The following SLC66A2 variants were observed in gnomAD, a reference collection of about 807,000 sequenced individuals.
The protein encoded by SLC66A2 is solute carrier family 66 member 2.
A neutral mutation model predicts 25.5 loss-of-function variants in SLC66A2; 23 were observed. That is an observed-to-expected ratio of 0.90 (90% CI 0.65 to 1.28). The LOEUF (loss-of-function observed/expected upper bound fraction) is 1.28, where lower values mean the gene tolerates loss of function less well. Ranked by LOEUF, SLC66A2 falls within the 50% of genes most tolerant of loss-of-function variation. SLC66A2 has a pLI of 0.00. For missense variants in SLC66A2, 396 were observed against 373.1 expected, an observed-to-expected ratio of 1.06 and a Z score of -0.51; for synonymous variants, 193 against 166.5, an observed-to-expected ratio of 1.16 and a Z score of -1.23.
In SLC66A2 at chr18:79,902,590, A is replaced by G. The variant is rs949200780; in HGVS notation, c.*1386T>C. ...AAGCATCTCACAGGCCAAAGAGCTAAGCAGGACCCTCACTCAGACATTCAA... is the reference window on the plus strand; with the variant it reads ...AAGCATCTCACAGGCCAAAGAGCTAGGCAGGACCCTCACTCAGACATTCAA... On this transcript the variant is annotated 3_prime_UTR_variant, in exon 6 of 6. Transcript: ENST00000397778. 1 of 152,408 alleles carries G rather than the reference A, an allele frequency of 6.6e-6. No homozygotes were observed. Among genetic ancestry groups the G allele is most frequent in the African/African-American group, 2.4e-5 (1 of 41,480 alleles). 9.4% of individuals were successfully genotyped at this position (152,408 alleles called of 1,614,324 possible).
At chr18:79,936,501 A>G (rs141921907) in intron 3 of SLC66A2, among the ~76,000 whole-genome samples, 2 of 152,288 alleles carry the variant, frequency 1.3e-5, no homozygotes, top group South Asian at 2.1e-4. Flanking sequence ...CAGCACCCCA[A>G]AAAGAAACCC....
chr18:79,912,791 C>T (rs79810315), intron 5 of SLC66A2, among the ~76,000 whole-genome samples: 18,056 of 152,150 alleles, frequency 0.12, 1,744 homozygotes, highest in South Asian at 0.33. Context: ...AGAGCCTCCG[C>T]TGAACCCTCC....
At chr18:79,906,479 T>C (rs1331182716) in intron 5 of SLC66A2, among the ~76,000 whole-genome samples, 5 of 152,258 alleles carry the variant, frequency 3.3e-5, no homozygotes, top group African/African-American at 4.8e-5. Flanking sequence ...ATATCCTCTT[T>C]AACAGATTGT....
chr18:79,922,822 T>C (rs1331178111), intron 4 of SLC66A2, among the ~76,000 whole-genome samples: 11 of 65,430 alleles, frequency 1.7e-4, no homozygotes, highest in African/African-American at 6.7e-4. Context: ...GGGGTGAGGA[T>C]AGAGGGATTG....
At chr18:79,933,202 G>A (rs1203705335) in intron 4 of SLC66A2, among the ~76,000 whole-genome samples, 2 of 152,098 alleles carry the variant, frequency 1.3e-5, no homozygotes, top group Non-Finnish European at 2.9e-5. Context: ...AAACCCACAT[G>A]ATCATCTCAA....
At chr18:79,938,813 A>G (rs1257030418) in intron 3 of SLC66A2, among the ~76,000 whole-genome samples, 3 of 152,152 alleles carry the variant, frequency 2.0e-5, no homozygotes, top group Non-Finnish European at 4.4e-5. Flanking sequence ...AGTAGCTGGG[A>G]TTACAGGCAT....
chr18:79,909,254 CAG>C (rs1982574020), intron 5 of SLC66A2, among the ~76,000 whole-genome samples: 1 of 152,220 alleles, frequency 6.6e-6, no homozygotes, highest in Non-Finnish European at 1.5e-5. Flanking sequence ...GTGCAACACT[CAG>C]AGACAAGACT....
intron 2 of SLC66A2, among the ~76,000 whole-genome samples, chr18:79,949,070 T>C (rs1307429150): frequency 6.6e-6 from 1 of 152,112 alleles, no homozygotes; most frequent in African/African-American, 2.4e-5. Flanking sequence ...GAGACGGGAC[T>C]CGGACCCAAA....
intron 2 of SLC66A2, 81 bp from the exon 3 acceptor site, chr18:79,943,543 G>A (rs538673124): frequency 1.1e-4 from 164 of 1,525,060 alleles, no homozygotes; most frequent in South Asian, 2.6e-4. Flanking sequence ...GGAGAGACCC[G>A]GGTCAGGAGG....
rs1984324205 is a variant in SLC66A2, at chr18:79,917,349, T to C, written c.608+1835A>G. Among the ~76,000 whole-genome samples, 1 of 152,180 alleles carries C rather than the reference T, an allele frequency of 6.6e-6. No individual in the cohort carries two copies. Among genetic ancestry groups the C allele is most frequent in the South Asian group, 2.1e-4 (1 of 4,836 alleles). ...CAGCTCCTGCCAAGCCTGGGGCCCC[T>C]GTGAGGTCACACACGGCCAGCTCCT... is the stretch of plus-strand genomic sequence containing the variant. On this transcript the variant is annotated intron_variant, in intron 5 of 5. Coordinates refer to ENST00000397778, the MANE Select transcript of SLC66A2 (RefSeq NM_025078.5). This position sits in a 1 kb window ranked among gnomAD's most constrained non-coding sequence, Gnocchi z 6.0.
chr18:79,933,353 T>C (rs112270417), intron 4 of SLC66A2, among the ~76,000 whole-genome samples: 19 of 152,364 alleles, frequency 1.2e-4, no homozygotes, highest in African/African-American at 4.1e-4. Flanking sequence ...AAAGATGGAA[T>C]GCTTTCTCAC....
chr18:79,950,314 G>C (rs2145001640), intron 2 of SLC66A2, among the ~76,000 whole-genome samples: 1 of 152,338 alleles, frequency 6.6e-6, no homozygotes, highest in South Asian at 2.1e-4. Flanking sequence ...GAGCTGTCAT[G>C]TCATCATGCA....
intron 2 of SLC66A2, 144 bp downstream of exon 2, chr18:79,950,580 G>A: frequency 1.4e-6 from 1 of 715,746 alleles, no homozygotes; most frequent in Non-Finnish European, 2.4e-6. Flanking sequence ...CTTGCCTGCA[G>A]CCACGTACCC....
At chr18:79,908,603 C>T (rs1306797668) in intron 5 of SLC66A2, among the ~76,000 whole-genome samples, 3 of 152,022 alleles carry the variant, frequency 2.0e-5, no homozygotes, top group East Asian at 1.9e-4. Context: ...GCTATTTTTC[C>T]TCTGTGTCAC....
chr18:79,943,460 A>C lies in SLC66A2; in HGVS notation c.206T>G (p.Phe69Cys). ...VANILRILFW[F>C]GRRFESPLLW... ...CAGCGGGGACTCAAAGCGCCTTCCA[A>C]ACCTGCGGGAGAGACACTGTGTCAG... The change falls in exon 3 of 6, where the codon TTT becomes TGT. Residue 69 changes from phenylalanine (F) to cysteine (C), a missense_variant and splice_region_variant. Phe to Cys is a radical substitution (Grantham distance 205, BLOSUM62 -2). Coordinates refer to ENST00000397778, the MANE Select transcript of SLC66A2 (RefSeq NM_025078.5). 6.2e-7 allele frequency: 1 copy of C among 1,613,750 alleles called. No homozygotes were observed. The highest frequency in any genetic ancestry group is 1.3e-5 in the African/African-American group (1 of 75,040).
Position 79,951,202 on chromosome 18 carries a change from G to A in SLC66A2, c.-99-177C>T, listed in dbSNP as rs551902379. Among the ~76,000 whole-genome samples the A allele has an allele frequency of 2.6e-3, 393 of 151,804 alleles. 2 individuals carry two copies. The highest frequency in any genetic ancestry group is 9.1e-3 in the African/African-American group (378 of 41,474). ...GGGGGGTGTCTGGGGGTCCCGAGAC[G>A]CTCCCGGAGGGGGCTGGGGAGGGGT... On this transcript the variant is annotated intron_variant, in intron 1 of 5. Transcript: ENST00000397778.
intron 2 of SLC66A2, among the ~76,000 whole-genome samples, chr18:79,945,915 G>A (rs576631670): frequency 3.3e-5 from 5 of 152,358 alleles, no homozygotes; most frequent in East Asian, 3.9e-4. Flanking sequence ...AGGAGGTGAC[G>A]CTGGGCAAGC....
chr18:79,914,591 T>C (rs1020219312), intron 5 of SLC66A2, among the ~76,000 whole-genome samples: 3 of 152,100 alleles, frequency 2.0e-5, no homozygotes, highest in Non-Finnish European at 4.4e-5. Context: ...AAGCTGCGTC[T>C]GGAGAGCGAG....
chr18:79,944,982 A>C (rs2050880239), intron 2 of SLC66A2: 1 of 134,306 alleles, frequency 7.4e-6, no homozygotes, highest in Non-Finnish European at 1.5e-5. Flanking sequence ...CAGCCCCCTC[A>C]GCACCCCCTT....
Sources: gnomAD v4.1 joint callset for allele counts (sites outside exome capture counted in the v4.1 genomes callset) on GRCh38, gnomAD v4.1.1 for gene constraint, Gnocchi (gnomAD v3.1) non-coding constraint, MANE v1.5 for transcripts, NCBI Gene and HGNC (gene_info 2026-07-23, HGNC 2026-07-21) for gene names.